Variants in CNBD1 observed in about 807,000 individuals in gnomAD.
CNBD1 encodes cyclic nucleotide binding domain containing 1.
In CNBD1, 71 loss-of-function variants were observed where a neutral mutation model predicts 54.4. The observed-to-expected ratio is 1.30, with a 90% CI of 1.08 to 1.59. The LOEUF (loss-of-function observed/expected upper bound fraction) is 1.59. CNBD1 is among the 40% of genes most tolerant of loss of function. The pLI is 0.00. For missense variants in CNBD1, 659 were observed against 518.0 expected (o/e 1.27, Z -2.64); for synonymous variants, 182 against 170.7 (o/e 1.07, Z -0.51).
At chr8:87,138,838 C>T (rs974605188) in intron 4 of CNBD1, among the ~76,000 whole-genome samples, 5 of 152,094 alleles carry the variant, frequency 3.3e-5, no homozygotes, top group South Asian at 2.1e-4. Flanking sequence ...AAAGGATTCA[C>T]GATAAAGCCC....
intron 7 of CNBD1, 115 bp from the exon 8 acceptor site, chr8:87,286,424 A>G (rs1056627582): frequency 1.6e-6 from 1 of 629,742 alleles, no homozygotes; most frequent in African/African-American, 1.8e-5. Flanking sequence ...TGTATTCTAT[A>G]CTAACTTATA....
intron 3 of CNBD1, among the ~76,000 whole-genome samples, chr8:86,938,245 C>T (rs192998032): frequency 6.6e-6 from 1 of 152,274 alleles, no homozygotes; most frequent in Non-Finnish European, 1.5e-5. Context: ...TTGCCCATAT[C>T]ACTATCAGCA....
At chr8:87,368,375 C>T (rs1315916056) in intron 10 of CNBD1, among the ~76,000 whole-genome samples, 1 of 151,948 alleles carries the variant, frequency 6.6e-6, no homozygotes, top group African/African-American at 2.4e-5. Flanking sequence ...GCAGCTCATA[C>T]CTGTAATTCC....
At chr8:86,996,747 C>T (rs1236135424) in intron 4 of CNBD1, among the ~76,000 whole-genome samples, 1 of 152,176 alleles carries the variant, frequency 6.6e-6, no homozygotes, top group African/African-American at 2.4e-5. Flanking sequence ...TATGTATTTA[C>T]TACTTTAGCC....
chr8:87,196,263 A>G (rs979712300), intron 4 of CNBD1, among the ~76,000 whole-genome samples: 7 of 152,208 alleles, frequency 4.6e-5, no homozygotes, highest in Admixed American at 1.3e-4. Context: ...AATTGTTTGT[A>G]TCAGAAGATA....
chr8:86,898,594 A>G (rs1808882249), intron 2 of CNBD1, among the ~76,000 whole-genome samples: 1 of 152,192 alleles, frequency 6.6e-6, no homozygotes, highest in Non-Finnish European at 1.5e-5. Flanking sequence ...AATAAATGAT[A>G]CTGAAACAAC....
chr8:87,092,745 G>C (rs1811243190), intron 4 of CNBD1, among the ~76,000 whole-genome samples: 1 of 151,774 alleles, frequency 6.6e-6, no homozygotes, highest in African/African-American at 2.4e-5. Context: ...CAATGATTTA[G>C]ATAAGAATCT....
intron 2 of CNBD1, among the ~76,000 whole-genome samples, chr8:87,391,055 C>T (rs901705092): frequency 6.7e-6 from 1 of 148,220 alleles, no homozygotes; most frequent in East Asian, 2.0e-4. Context: ...AACCCATGGA[C>T]ACAGGAAGGG....
intron 4 of CNBD1, among the ~76,000 whole-genome samples, chr8:87,093,598 G>T (rs1434501234): frequency 6.6e-6 from 1 of 152,114 alleles, no homozygotes; most frequent in East Asian, 1.9e-4. Context: ...TCACAGTAAC[G>T]CCGAGATTGC....
intron 10 of CNBD1, among the ~76,000 whole-genome samples, chr8:87,374,016 C>T (rs1402976367): frequency 6.6e-6 from 1 of 151,668 alleles, no homozygotes; most frequent in African/African-American, 2.4e-5. Flanking sequence ...TACAACTAGG[C>T]TTTTATAGTA....
chr8:87,247,061 AGGTAGGATATT>A (rs2130835324), intron 6 of CNBD1, among the ~76,000 whole-genome samples: 1 of 152,162 alleles, frequency 6.6e-6, no homozygotes, highest in Admixed American at 6.6e-5. Flanking sequence ...TGCTTCACAA[AGGTAGGATATT>A]GGAAACAGGA....
At chr8:86,895,618 T>C (rs1808838025) in intron 2 of CNBD1, among the ~76,000 whole-genome samples, 1 of 152,182 alleles carries the variant, frequency 6.6e-6, no homozygotes, top group Non-Finnish European at 1.5e-5. Flanking sequence ...ATTTGTGTTG[T>C]TGGTGTTTTG....
intron 1 of CNBD1, among the ~76,000 whole-genome samples, chr8:86,873,938 C>T (rs1177980670): frequency 6.6e-6 from 1 of 152,134 alleles, no homozygotes; most frequent in Admixed American, 6.5e-5. Context: ...TACATAATTA[C>T]AATACAACTA....
chr8:87,376,158 T>G (rs1029174139), intron 10 of CNBD1, among the ~76,000 whole-genome samples: 1 of 151,930 alleles, frequency 6.6e-6, no homozygotes, highest in Non-Finnish European at 1.5e-5. Context: ...CAGTTCATAC[T>G]GCTTCAATGC....
At chr8:87,187,726 A>T (rs1174548334) in intron 4 of CNBD1, among the ~76,000 whole-genome samples, 1 of 152,148 alleles carries the variant, frequency 6.6e-6, no homozygotes. Context: ...TTCACTAAAT[A>T]TATTCCAAAC....
At position 87,367,580 on chromosome 8, in the gene CNBD1, G is replaced by A. The variant is rs576678530; in HGVS notation, c.1303+13794G>A. 7.5e-4 allele frequency among the ~76,000 whole-genome samples: 114 copies of A among 152,184 alleles called. 1 individual carries two copies. The highest frequency in any genetic ancestry group is 2.6e-3 in the African/African-American group (107 of 41,538). On this transcript the variant is annotated intron_variant, in intron 10 of 10. Transcript: ENST00000518476. ...TATGAGATGTACTGCCTTGGATTCT[G>A]AGCTGATTCTCCCACTTTTTAATTA...
chr8:86,962,766 A>G (rs138441584), intron 4 of CNBD1, among the ~76,000 whole-genome samples: 3,931 of 152,124 alleles, frequency 0.026, 85 homozygotes, highest in Non-Finnish European at 0.04. Context: ...AGCCTGGGCA[A>G]CAGAGCAAGA....
At chr8:87,134,625 T>G in intron 4 of CNBD1, among the ~76,000 whole-genome samples, 2 of 131,484 alleles carry the variant, frequency 1.5e-5, no homozygotes, top group African/African-American at 2.9e-5. Context: ...TTTTTTGAGA[T>G]GGAGTCTCGC....
chr8:86,925,555 G>A (rs1809344540), intron 3 of CNBD1, among the ~76,000 whole-genome samples: 1 of 150,140 alleles, frequency 6.7e-6, no homozygotes, highest in Non-Finnish European at 1.5e-5. Flanking sequence ...GTGGGATTGG[G>A]GGTAAAGGCA....
Sources: gnomAD v4.1 joint callset for allele counts (sites outside exome capture counted in the v4.1 genomes callset) on GRCh38, gnomAD v4.1.1 for gene constraint, MANE v1.5 for transcripts, NCBI Gene and HGNC (gene_info 2026-07-23, HGNC 2026-07-21) for gene names.